Variants in SCAMP1 observed in about 807,000 individuals in gnomAD.
The protein encoded by SCAMP1 is secretory carrier membrane protein 1.
A neutral mutation model predicts 41.8 loss-of-function variants in SCAMP1; 15 were observed. The observed-to-expected ratio is 0.36, with a 90% confidence interval of 0.24 to 0.55. The LOEUF (loss-of-function observed/expected upper bound fraction) is 0.55, where lower values mean the gene tolerates loss of function less well. SCAMP1 is among the 20% of genes least tolerant of loss of function. The pLI is 0.86. For synonymous variants in SCAMP1, 135 were observed against 136.8 expected, an observed-to-expected ratio of 0.99 and a Z score of 0.09; for missense variants, 341 against 412.6, an observed-to-expected ratio of 0.83 and a Z score of 1.50.
chr5:78,388,138 C>T (rs1000131252), intron 1 of SCAMP1, among the ~76,000 whole-genome samples: 8 of 152,194 alleles, frequency 5.3e-5, no homozygotes, highest in South Asian at 2.1e-4. Flanking sequence ...AAGAGGTTCA[C>T]GATGTAGGTC....
At chr5:78,443,212 CAAAAAAAAAAAAAA>C (rs398051015) in intron 6 of SCAMP1, among the ~76,000 whole-genome samples, 9 of 66,056 alleles carry the variant, frequency 1.4e-4, no homozygotes, top group Non-Finnish European at 2.4e-4. Flanking sequence ...GACTCTGTCT[CAAAAAAAAAAAAAA>C]AAAAAAAAAA....
intron 8 of SCAMP1, among the ~76,000 whole-genome samples, chr5:78,469,901 A>C (rs1580722294): frequency 2.6e-5 from 1 of 37,752 alleles, no homozygotes; most frequent in African/African-American, 2.0e-4. Context: ...AAAAAAAAAA[A>C]AAAAAAAAAA....
intron 8 of SCAMP1, among the ~76,000 whole-genome samples, chr5:78,461,577 T>G (rs1467406178): frequency 6.6e-6 from 1 of 152,188 alleles, no homozygotes; most frequent in Non-Finnish European, 1.5e-5. Flanking sequence ...TTTTTTCTTT[T>G]TTGAGACAGA....
At chr5:78,415,159 G>A (rs1041572532) in intron 2 of SCAMP1, among the ~76,000 whole-genome samples, 1 of 151,976 alleles carries the variant, frequency 6.6e-6, no homozygotes, top group African/African-American at 2.4e-5. Flanking sequence ...TCACCATATT[G>A]GCCAGGCTGG....
intron 2 of SCAMP1, among the ~76,000 whole-genome samples, chr5:78,406,656 A>G (rs921722404): frequency 6.6e-6 from 1 of 152,178 alleles, no homozygotes; most frequent in Non-Finnish European, 1.5e-5. Context: ...TCTTGAGCCA[A>G]TATATTTTTC....
At chr5:78,454,598 A>C (rs944459505) in intron 7 of SCAMP1, among the ~76,000 whole-genome samples, 1 of 152,096 alleles carries the variant, frequency 6.6e-6, no homozygotes, top group African/African-American at 2.4e-5. Flanking sequence ...TATTTTATTG[A>C]GGATTTTTGC....
At chr5:78,429,056 A>G (rs1247303109) in intron 6 of SCAMP1, among the ~76,000 whole-genome samples, 2 of 152,066 alleles carry the variant, frequency 1.3e-5, no homozygotes, top group Admixed American at 6.6e-5. Flanking sequence ...GGGATTCCAT[A>G]TATATTATGA....
intron 6 of SCAMP1, among the ~76,000 whole-genome samples, chr5:78,433,184 A>G (rs1462692101): frequency 2.0e-5 from 3 of 152,206 alleles, no homozygotes; most frequent in Middle Eastern, 6.8e-3. Flanking sequence ...ATTATTTTAA[A>G]TTTTTTGTCT....
At chr5:78,431,217 A>G (rs145562885) in intron 6 of SCAMP1, among the ~76,000 whole-genome samples, 40 of 152,150 alleles carry the variant, frequency 2.6e-4, no homozygotes, top group Non-Finnish European at 4.7e-4. Context: ...AAGAATATAT[A>G]GCCTGCTCTT....
chr5:78,433,312 A>G (rs1393546491), intron 6 of SCAMP1, among the ~76,000 whole-genome samples: 1 of 151,844 alleles, frequency 6.6e-6, no homozygotes, highest in African/African-American at 2.4e-5. Flanking sequence ...ATTTCTTGTT[A>G]AAAACTAGAC....
chr5:78,433,059 C>T (rs1484441131), intron 6 of SCAMP1, among the ~76,000 whole-genome samples: 2 of 152,038 alleles, frequency 1.3e-5, no homozygotes, highest in African/African-American at 4.8e-5. Context: ...TGATATTTTT[C>T]ATTTCTACCA....
chr5:78,371,350 A>G (rs1750939438), intron 1 of SCAMP1, among the ~76,000 whole-genome samples: 1 of 152,162 alleles, frequency 6.6e-6, no homozygotes, highest in Non-Finnish European at 1.5e-5. Context: ...GGTATGACGT[A>G]AGGTCAACTT....
At chr5:78,404,313 AATTTTTTT>A (rs1319975323) in intron 2 of SCAMP1, among the ~76,000 whole-genome samples, 1 of 151,870 alleles carries the variant, frequency 6.6e-6, no homozygotes, top group African/African-American at 2.4e-5. Context: ...CACCAAGGCT[AATTTTTTT>A]ATTTTTTTAG....
intron 7 of SCAMP1, among the ~76,000 whole-genome samples, chr5:78,451,990 A>G (rs968114452): frequency 5.3e-5 from 8 of 152,104 alleles, no homozygotes; most frequent in Admixed American, 5.2e-4. Context: ...TATGATATGG[A>G]TGTATCACAG....
At chr5:78,378,921 G>C (rs944385060) in intron 1 of SCAMP1, among the ~76,000 whole-genome samples, 5 of 152,166 alleles carry the variant, frequency 3.3e-5, no homozygotes, top group South Asian at 2.1e-4. Flanking sequence ...AACAAGGTAC[G>C]TTCAGAGTGA....
At chr5:78,409,239 C>A (rs2112124403) in intron 2 of SCAMP1, among the ~76,000 whole-genome samples, 1 of 152,158 alleles carries the variant, frequency 6.6e-6, no homozygotes, top group Non-Finnish European at 1.5e-5. Context: ...CCCAGGATTT[C>A]TTGTTGCGTT....
At chr5:78,403,565 A>G (rs1486210912) in intron 2 of SCAMP1, among the ~76,000 whole-genome samples, 3 of 152,178 alleles carry the variant, frequency 2.0e-5, no homozygotes, top group Non-Finnish European at 4.4e-5. Flanking sequence ...CCAAGGTGGG[A>G]GGATTGCCTG....
intron 1 of SCAMP1, among the ~76,000 whole-genome samples, chr5:78,361,510 C>T (rs1234409707): frequency 1.3e-5 from 2 of 152,238 alleles, no homozygotes; most frequent in East Asian, 3.8e-4. Flanking sequence ...CCTACTTGAG[C>T]TGCTTTTCTT....
At chr5:78,380,918 T>C (rs1323893963) in intron 1 of SCAMP1, among the ~76,000 whole-genome samples, 1 of 152,092 alleles carries the variant, frequency 6.6e-6, no homozygotes, top group African/African-American at 2.4e-5. Flanking sequence ...ATACAAAAAT[T>C]AGCCAGGCAT....
Sources: allele counts gnomAD v4.1 joint callset (sites outside exome capture counted in the v4.1 genomes callset), GRCh38; gene constraint gnomAD v4.1.1; transcripts MANE v1.5; gene names NCBI Gene and HGNC (gene_info 2026-07-23, HGNC 2026-07-21).